The following NRXN2 variants were observed in gnomAD, a reference collection of about 807,000 sequenced individuals.
The protein encoded by NRXN2 is neurexin-2-beta.
Under a neutral mutation model 128.8 loss-of-function variants are expected in NRXN2, and 29 were observed. The observed-to-expected ratio is 0.23, with a 90% CI of 0.17 to 0.31. NRXN2 has a LOEUF of 0.31. NRXN2 is among the 10% of genes least tolerant of loss of function. The pLI is 1.00. For synonymous variants in NRXN2, 1,098 were observed against 1,075.2 expected, an observed-to-expected ratio of 1.02 and a Z score of -0.41; for missense variants, 1,881 against 2,452.6, an observed-to-expected ratio of 0.77 and a Z score of 4.92.
chr11:64,612,846 T>C (rs372088015), intron 22 of NRXN2, among the ~76,000 whole-genome samples: 1 of 152,264 alleles, frequency 6.6e-6, no homozygotes, highest in Non-Finnish European at 1.5e-5. Flanking sequence ...CACAGTTCTA[T>C]GCGGACGTGA....
At chr11:64,615,848 GTGTGTGTGTGTGTGTGTGTGTA>G (rs1442429171) in intron 22 of NRXN2, among the ~76,000 whole-genome samples, 4 of 105,114 alleles carry the variant, frequency 3.8e-5, no homozygotes, top group Non-Finnish European at 7.7e-5. Context: ...GTGTGTGTGT[GTGTGTGTGTGTGTGTGTGTGTA>G]TGTGTATACC....
At chr11:64,616,102 G>T (rs996131734) in intron 22 of NRXN2, among the ~76,000 whole-genome samples, 1 of 152,106 alleles carries the variant, frequency 6.6e-6, no homozygotes, top group African/African-American at 2.4e-5. Flanking sequence ...TGAACAAATT[G>T]TGTGTGTATG....
chr11:64,708,800 T>C (rs1242616490), intron 2 of NRXN2, among the ~76,000 whole-genome samples: 1 of 152,212 alleles, frequency 6.6e-6, no homozygotes, highest in East Asian at 1.9e-4. Flanking sequence ...TCTAAAAGCT[T>C]TTCCAAATTC....
Position 64,660,243 on chromosome 11 carries a change from T to C in NRXN2, c.2389+89A>G. The C allele has an allele frequency of 6.9e-7, 1 of 1,458,612 alleles. No homozygotes were observed. The allele number at this position is 1,458,612 out of a possible 1,614,324, so 90.4% of individuals were successfully genotyped here. ...CTCTGCTGAGGGCACCTCTTGCTGG[T>C]GCCACCACCAGCTTCTCCAGACAGA... On this transcript the variant is annotated intron_variant, in intron 11 of 22. Transcript: ENST00000265459. The surrounding 1 kb of genome is among the most constrained non-coding windows in gnomAD (Gnocchi z 5.2).
intron 22 of NRXN2, among the ~76,000 whole-genome samples, chr11:64,612,002 A>C (rs979503720): frequency 7.2e-6 from 1 of 139,358 alleles, no homozygotes; most frequent in Non-Finnish European, 1.5e-5. Context: ...CCCACACCCC[A>C]CTTCCTCTCC....
rs2043778464 is a variant in NRXN2, at chr11:64,630,699, C to A, written c.3586-126G>T. ...TAAGGCACCTTTCCCAGGTCTCAAC[C>A]GCTGGAGGAGGTGGGCAGGCTCGCT... On this transcript the variant is annotated intron_variant, in intron 18 of 22. Transcript: ENST00000265459. This position sits in a 1 kb window ranked among gnomAD's most constrained non-coding sequence, Gnocchi z 4.6. The A allele has an allele frequency of 8.9e-7, 1 of 1,126,498 alleles. No homozygotes were observed. The highest frequency in any genetic ancestry group is 2.0e-5 in the Admixed American group (1 of 50,238). 69.8% of individuals were successfully genotyped at this position (1,126,498 alleles called of 1,614,324 possible).
intron 2 of NRXN2, among the ~76,000 whole-genome samples, chr11:64,711,372 C>T: frequency 6.6e-6 from 1 of 152,198 alleles, no homozygotes; most frequent in African/African-American, 2.4e-5. Context: ...AGAACAGGGA[C>T]GAGGGGCGGG....
rs143130600 is a variant in NRXN2 at position 64,667,429 on chromosome 11, C to A, written c.1619G>T (p.Gly540Val). The A allele has an allele frequency of 6.2e-7, 1 of 1,614,042 alleles. No homozygotes were observed. The part of the protein sequence containing the change: ...LLFSQGRRAG[G>V]GAGSHSSAQR... ...AGCAGAGCTGTGGCTGCCAGCTCCACCCCCAGCCCGCCGGCCCTGGCTGAA... is the reference window on the plus strand; with the variant it reads ...AGCAGAGCTGTGGCTGCCAGCTCCAACCCCAGCCCGCCGGCCCTGGCTGAA... Residue 540 changes from glycine (G) to valine (V), a missense_variant, in exon 9 of 23, where the codon GGT becomes GTT. Gly to Val is a moderately radical substitution (Grantham distance 109, BLOSUM62 -3). Coordinates refer to ENST00000265459, the MANE Select transcript of NRXN2 (RefSeq NM_015080.4). The surrounding 1 kb of genome is among the most constrained non-coding windows in gnomAD (Gnocchi z 5.6).
chr11:64,693,176 T>A (rs1176034030), intron 3 of NRXN2, among the ~76,000 whole-genome samples: 2 of 43,178 alleles, frequency 4.6e-5, no homozygotes, highest in East Asian at 5.9e-4. Flanking sequence ...CAGGCAGAAC[T>A]GGAGGAAGGA....
At chr11:64,652,006 G>A (rs745661280) in intron 13 of NRXN2, 29 bp downstream of exon 13, 4 of 1,607,364 alleles carry the variant, frequency 2.5e-6, no homozygotes, top group Non-Finnish European at 3.4e-6. Flanking sequence ...CTGGAGATGT[G>A]TCCACCTCCC....
chr11:64,682,107 T>C (rs931699585), intron 6 of NRXN2, among the ~76,000 whole-genome samples: 5 of 151,722 alleles, frequency 3.3e-5, no homozygotes, highest in Non-Finnish European at 7.4e-5. Context: ...CTTGGTGGAC[T>C]CCAACCTTGG....
intron 21 of NRXN2, among the ~76,000 whole-genome samples, chr11:64,621,490 G>A (rs187170490): frequency 6.6e-6 from 1 of 152,190 alleles, no homozygotes. Context: ...GAGAGGAAGT[G>A]GGTACAGGCT....
chr11:64,650,527 T>A lies in NRXN2; in HGVS notation c.3030A>T (p.Pro1010=). ...QWHNVVVSRD[P]GNVHTLKIDS... ...CAATCTTGAGCGTGTGCACGTTGCC[T>A]GGGTCCCTGGACACCACCACGTTGT... The change falls in exon 15 of 23, where the codon CCA becomes CCT. Residue 1010 remains proline, a synonymous_variant. Coordinates refer to ENST00000265459, the MANE Select transcript of NRXN2 (RefSeq NM_015080.4). The A allele has an allele frequency of 6.2e-7, 1 of 1,614,136 alleles. No individual in the cohort carries two copies. The highest frequency in any genetic ancestry group is 8.5e-7 in the Non-Finnish European group (1 of 1,180,022).
rs1295106734 is a variant in NRXN2 at position 64,631,227 on chromosome 11, A to G, written c.3586-654T>C. ...GTGGACTGTGTGTATGGTGGGATGG[A>G]CACCAGAAGAGCTGAGGGTCAAACT... On this transcript the variant is annotated intron_variant, in intron 18 of 22. Transcript: ENST00000265459. This position sits in a 1 kb window ranked among gnomAD's most constrained non-coding sequence, Gnocchi z 4.8. 1.3e-5 allele frequency among the ~76,000 whole-genome samples: 2 copies of G among 151,136 alleles called. No homozygotes were observed. The highest frequency in any genetic ancestry group is 4.9e-5 in the African/African-American group (2 of 41,084).
chr11:64,704,233 A>G (rs552737257), intron 2 of NRXN2, among the ~76,000 whole-genome samples: 149 of 152,270 alleles, frequency 9.8e-4, no homozygotes, highest in Non-Finnish European at 1.9e-3. Flanking sequence ...AGATGGTGTC[A>G]TAGATGGTAT....
intron 4 of NRXN2, among the ~76,000 whole-genome samples, chr11:64,690,780 C>T (rs930095757): frequency 6.6e-6 from 1 of 152,132 alleles, no homozygotes; most frequent in African/African-American, 2.4e-5. Context: ...CCCTCCTTCC[C>T]CACAGCAGGC....
At chr11:64,611,262 C>T (rs926837641) in intron 22 of NRXN2, among the ~76,000 whole-genome samples, 1 of 152,134 alleles carries the variant, frequency 6.6e-6, no homozygotes, top group Non-Finnish European at 1.5e-5. Context: ...TTCTAAACAC[C>T]CCACCCCCTC....
chr11:64,652,012 C>T (rs2047526139), intron 13 of NRXN2, 23 bp downstream of exon 13: 1 of 1,608,700 alleles, frequency 6.2e-7, no homozygotes, highest in Non-Finnish European at 8.5e-7. Flanking sequence ...ATGTGTCCAC[C>T]TCCCTGGGCC....
At position 64,622,620 on chromosome 11, in the gene NRXN2, A is replaced by T; in HGVS notation, c.4173+133T>A. 1 of 1,317,854 alleles carries T rather than the reference A, an allele frequency of 7.6e-7. No individual in the cohort carries two copies. The highest frequency in any genetic ancestry group is 1.0e-6 in the Non-Finnish European group (1 of 963,904). 81.6% of individuals were successfully genotyped at this position (1,317,854 alleles called of 1,614,324 possible). A position where few individuals can be genotyped will look rare whatever the true frequency, so the allele number is the denominator to read the frequency against. On this transcript the variant is annotated intron_variant, in intron 21 of 22. Transcript: ENST00000265459. The surrounding 1 kb of genome is among the most constrained non-coding windows in gnomAD (Gnocchi z 4.3). ...TGCCCATCGCCATGGCAACAAAGTC[A>T]GCGACAGCAGCCTTCAGGATCCCAA...
Sources: allele counts gnomAD v4.1 joint callset (sites outside exome capture counted in the v4.1 genomes callset), GRCh38; gene constraint gnomAD v4.1.1; non-coding constraint Gnocchi (gnomAD v3.1); transcripts MANE v1.5; gene names NCBI Gene and HGNC (gene_info 2026-07-23, HGNC 2026-07-21).